Variants in SLC7A10 observed in about 807,000 individuals in gnomAD.
SLC7A10 encodes asc-type amino acid transporter 1.
SLC7A10 carries 30 observed loss-of-function variants against 52.7 expected under a neutral mutation model. The ratio of observed to expected loss-of-function variants is 0.57; its 90% CI spans 0.43 to 0.77. The LOEUF is 0.77. Ranked by LOEUF, SLC7A10 falls within the 30% of genes least tolerant of loss-of-function variation. The probability of loss-of-function intolerance (pLI) is 0.00; values close to 1 mark genes in which losing one functional copy is unlikely to be tolerated. For synonymous variants in SLC7A10, 318 were observed against 314.9 expected (o/e 1.01, Z -0.10); for missense variants, 581 against 698.5 (o/e 0.83, Z 1.90).
intron 2 of SLC7A10, among the ~76,000 whole-genome samples, chr19:33,213,419 G>C (rs1298727463): frequency 6.6e-6 from 1 of 151,870 alleles, no homozygotes; most frequent in Non-Finnish European, 1.5e-5. Context: ...CTCCCAAGTA[G>C]CTGGGACTAC....
chr19:33,224,163 A>G (rs1172968104), intron 1 of SLC7A10, among the ~76,000 whole-genome samples: 1 of 152,154 alleles, frequency 6.6e-6, no homozygotes, highest in Non-Finnish European at 1.5e-5. Context: ...GGTTCTAGGC[A>G]TGGTCTCAAT....
intron 1 of SLC7A10, among the ~76,000 whole-genome samples, chr19:33,217,284 T>C (rs1371446211): frequency 6.6e-6 from 1 of 152,126 alleles, no homozygotes; most frequent in East Asian, 1.9e-4. Flanking sequence ...AGTGCTGGGA[T>C]TACAGGCGAG....
rs892656874 is a variant in SLC7A10 at position 33,216,593 on chromosome 19, T to TTCCTTTCCTTTCCTTTC, written c.152-637_152-621dup. 2.1e-4 allele frequency among the ~76,000 whole-genome samples: 32 copies of TTCCTTTCCTTTCCTTTC among 152,182 alleles called. No individual in the cohort carries two copies. In the East Asian group the frequency reaches 5.8e-3, roughly 28 times the overall value. The stretch of plus-strand genomic sequence containing the variant: ...TTTGGGCTTCTCTTCCTACTTCAAT[T>TTCCTTTCCTTTCCTTTC]TCCTTTCCTTTCCTTTCTCCTTTCC... On this transcript the variant is annotated intron_variant, in intron 1 of 10. Coordinates refer to ENST00000253188, the MANE Select transcript of SLC7A10 (RefSeq NM_019849.3).
rs1555734652 is a variant in SLC7A10 at position 33,223,943 on chromosome 19, T to TCACCACCACCACCGCCACCACCAC, written c.151+1609_151+1610insGTGGTGGTGGCGGTGGTGGTGGTG. On this transcript the variant is annotated intron_variant, in intron 1 of 10. Transcript: ENST00000253188. The stretch of plus-strand genomic sequence containing the variant: ...ACTCCCACCACCACCACCTCTACCA[T>TCACCACCACCACCGCCACCACCAC]CACCACCACCACCACCACCACCACC... 1.5e-4 allele frequency among the ~76,000 whole-genome samples: 22 copies of TCACCACCACCACCGCCACCACCAC among 147,106 alleles called. 1 individual carries two copies. Among genetic ancestry groups the TCACCACCACCACCGCCACCACCAC allele is most frequent in the Non-Finnish European group, 2.5e-4 (17 of 66,994 alleles).
rs912729040 is a variant in SLC7A10, at chr19:33,215,091, C to T, written c.356+678G>A. On this transcript the variant is annotated intron_variant, in intron 2 of 10. Coordinates refer to ENST00000253188, the MANE Select transcript of SLC7A10 (RefSeq NM_019849.3). The stretch of plus-strand genomic sequence containing the variant: ...GACCAGCCTGGCCAACATGGTGAAA[C>T]CCCGTCTCTACTAAAAATACAAAAA... Among the ~76,000 whole-genome samples, 7 of 152,112 alleles carry T rather than the reference C, an allele frequency of 4.6e-5. 1 individual carries two copies. Among genetic ancestry groups the T allele is most frequent in the Admixed American group, 3.3e-4 (5 of 15,276 alleles).
rs1429611970 is a variant in SLC7A10, at chr19:33,210,764, G to A, written c.1113+38C>T. Reference sequence around the variant, plus strand: ...AGGTCCTGCATTGCCGGGTAGCCCTGCCTCCACGCCCTGCCTGGCCCAGGT... The same window carrying A: ...AGGTCCTGCATTGCCGGGTAGCCCTACCTCCACGCCCTGCCTGGCCCAGGT... On this transcript the variant is annotated intron_variant, in intron 8 of 10. Coordinates refer to ENST00000253188, the MANE Select transcript of SLC7A10 (RefSeq NM_019849.3). The surrounding 1 kb of genome is among the most constrained non-coding windows in gnomAD (Gnocchi z 5.6). The A allele has an allele frequency of 1.9e-6, 3 of 1,610,812 alleles. No homozygotes were observed. Among genetic ancestry groups the A allele is most frequent in the East Asian group, 4.5e-5 (2 of 44,858 alleles).
rs555542003 is a variant in SLC7A10 at position 33,208,920 on chromosome 19, C to G, written c.1543G>C (p.Ala515Pro). 2.0e-5 allele frequency: 32 copies of G among 1,612,170 alleles called. No homozygotes were observed. In the African/African-American group the frequency reaches 2.7e-4, roughly 13 times the overall value. Residue 515 changes from alanine to proline, a missense_variant, in exon 11 of 11, where the codon GCC (alanine) becomes CCC (proline). Ala to Pro is a conservative substitution (Grantham distance 27, BLOSUM62 -1). Coordinates refer to ENST00000253188, the MANE Select transcript of SLC7A10 (RefSeq NM_019849.3). The surrounding 1 kb of genome is among the most constrained non-coding windows in gnomAD (Gnocchi z 4.7). ...NGPCPPSLLP[A>P]TDKPSKPQ ...TGTGGCTTCGAGGGCTTGTCTGTGG[C>G]AGGCAGCAGGGAGGGTGGGCAGGGG...
At chr19:33,209,629 C>T (rs149624850) in intron 9 of SLC7A10, 144 bp from the exon 10 acceptor site, 185 of 848,556 alleles carry the variant, frequency 2.2e-4, no homozygotes, top group African/African-American at 7.6e-4. Flanking sequence ...CCCCTCTTGG[C>T]GACAGCCCAG....
intron 1 of SLC7A10, among the ~76,000 whole-genome samples, chr19:33,221,751 C>A (rs1163124064): frequency 6.6e-6 from 1 of 152,158 alleles, no homozygotes; most frequent in Non-Finnish European, 1.5e-5. Flanking sequence ...TCACTGAACA[C>A]ACATCTGGCC....
intron 2 of SLC7A10, 78 bp from the exon 3 acceptor site, chr19:33,213,080 G>A (rs1295068271): frequency 7.8e-6 from 12 of 1,538,672 alleles, no homozygotes; most frequent in South Asian, 2.4e-5. Context: ...GTGTGCAGCA[G>A]GGCTGCCCTG....
intron 2 of SLC7A10, among the ~76,000 whole-genome samples, chr19:33,213,568 G>A (rs770928010): frequency 1.4e-4 from 21 of 152,198 alleles, no homozygotes; most frequent in African/African-American, 2.2e-4. Flanking sequence ...GATTACAGGC[G>A]TGAGCCACTG....
In SLC7A10 at chr19:33,210,683, C is replaced by T; in HGVS notation, c.1114-67G>A. On this transcript the variant is annotated intron_variant, in intron 8 of 10. Coordinates refer to ENST00000253188, the MANE Select transcript of SLC7A10 (RefSeq NM_019849.3). This position sits in a 1 kb window ranked among gnomAD's most constrained non-coding sequence, Gnocchi z 5.6. Reference sequence around the variant, plus strand: ...CTCCTGACGCCCCTGCAGGATGAGCCCTGGCCCCACCCCCAACCCCCACCC... The same window carrying T: ...CTCCTGACGCCCCTGCAGGATGAGCTCTGGCCCCACCCCCAACCCCCACCC... 1 of 1,608,666 alleles carries T rather than the reference C, an allele frequency of 6.2e-7. No homozygotes were observed. Among genetic ancestry groups the T allele is most frequent in the Non-Finnish European group, 8.5e-7 (1 of 1,178,762 alleles).
intron 1 of SLC7A10, chr19:33,220,875 C>T (rs1025757508): frequency 6.6e-6 from 1 of 152,284 alleles, no homozygotes; most frequent in Non-Finnish European, 1.5e-5. Flanking sequence ...CCCAGGACCT[C>T]TATTCCATCA....
chr19:33,210,089 C>T lies in SLC7A10; in HGVS notation c.1263+378G>A, dbSNP rs1200884972. ...TCAAGTAGCTGGGACCACAGGTGCG[C>T]ACCACCACACCAGGCTAACCCTTTT... On this transcript the variant is annotated intron_variant, in intron 9 of 10. Coordinates refer to ENST00000253188, the MANE Select transcript of SLC7A10 (RefSeq NM_019849.3). The surrounding 1 kb of genome is among the most constrained non-coding windows in gnomAD (Gnocchi z 5.6). Among the ~76,000 whole-genome samples, 1 of 152,020 alleles carries T rather than the reference C, an allele frequency of 6.6e-6. No homozygotes were observed. The highest frequency in any genetic ancestry group is 2.4e-5 in the African/African-American group (1 of 41,390).
rs1555733796 is a variant in SLC7A10 at position 33,218,683 on chromosome 19, T to TCCTTCCTTCCTTCCTTCCTTCC, written c.152-2711_152-2710insGGAAGGAAGGAAGGAAGGAAGG. Among the ~76,000 whole-genome samples the TCCTTCCTTCCTTCCTTCCTTCC allele has an allele frequency of 8.8e-4, 28 of 31,872 alleles. 1 individual carries two copies. The highest frequency in any genetic ancestry group is 1.5e-3 in the Non-Finnish European group (18 of 12,142). The allele number at this position is 31,872 out of a possible 152,430, so 20.9% of individuals were successfully genotyped here. ...TGGATTTCTTTCTTTCTTTCTTTCTTTTTTTTTTTTTTTTAGTAGAGATGG... is the reference window on the plus strand; with the variant it reads ...TGGATTTCTTTCTTTCTTTCTTTCTTCCTTCCTTCCTTCCTTCCTTCCTTTTTTTTTTTTTTAGTAGAGATGG... On this transcript the variant is annotated intron_variant, in intron 1 of 10. Transcript: ENST00000253188.
intron 1 of SLC7A10, among the ~76,000 whole-genome samples, chr19:33,217,579 G>C (rs1265075529): frequency 6.7e-6 from 1 of 149,402 alleles, no homozygotes. Context: ...TGTAGGTCCT[G>C]GTAGGACCAA....
chr19:33,223,309 G>GAAAAAAAAAA (rs59600246), intron 1 of SLC7A10, among the ~76,000 whole-genome samples: 2 of 117,284 alleles, frequency 1.7e-5, no homozygotes, highest in Non-Finnish European at 3.6e-5. Context: ...CTCTGTCTCA[G>GAAAAAAAAAA]AAAAAAAAAA....
intron 1 of SLC7A10, chr19:33,221,099 C>T (rs974707333): frequency 1.3e-5 from 2 of 150,512 alleles, no homozygotes; most frequent in African/African-American, 5.0e-5. Context: ...CTGCTCAAAG[C>T]CCAGGGCTCC....
At chr19:33,217,702 A>T (rs1974719724) in intron 1 of SLC7A10, 1 of 152,246 alleles carries the variant, frequency 6.6e-6, no homozygotes, top group Non-Finnish European at 1.5e-5. Flanking sequence ...GGGCTGGATA[A>T]GGACACGGTT....
Sources: gnomAD v4.1 joint callset for allele counts (sites outside exome capture counted in the v4.1 genomes callset) on GRCh38, gnomAD v4.1.1 for gene constraint, Gnocchi (gnomAD v3.1) non-coding constraint, MANE v1.5 for transcripts, NCBI Gene and HGNC (gene_info 2026-07-23, HGNC 2026-07-21) for gene names.